DLG2: variants seen among roughly 807,000 people sequenced by gnomAD.
The protein encoded by DLG2 is disks large homolog 2.
DLG2 carries 45 observed loss-of-function variants against 132.5 expected under a neutral mutation model. The observed-to-expected ratio is 0.34, with a 90% confidence interval of 0.27 to 0.44. DLG2 has a LOEUF of 0.44. Among genes scored for constraint, DLG2 ranks in the 20% least tolerant of loss-of-function variants. The pLI, the probability that DLG2 is intolerant of heterozygous loss-of-function variation, is 1.00. For missense variants in DLG2, 1,045 were observed against 1,196.9 expected (o/e 0.87, Z 1.87); for synonymous variants, 424 against 419.6 (o/e 1.01, Z -0.13).
intron 16 of DLG2, among the ~76,000 whole-genome samples, chr11:83,837,457 C>T (rs1461060852): frequency 6.6e-6 from 1 of 152,134 alleles, no homozygotes; most frequent in Non-Finnish European, 1.5e-5. Context: ...CTTAGAGTTG[C>T]CTCTCCTGGC....
intron 6 of DLG2, among the ~76,000 whole-genome samples, chr11:84,751,815 A>C (rs1189827610): frequency 1.3e-5 from 2 of 152,224 alleles, no homozygotes; most frequent in African/African-American, 4.8e-5. Context: ...AGAGGTTAGG[A>C]TGCCAGGTAC....
intron 6 of DLG2, among the ~76,000 whole-genome samples, chr11:84,537,067 ACC>A (rs1385868722): frequency 3.8e-5 from 1 of 26,020 alleles, no homozygotes; most frequent in Non-Finnish European, 6.6e-5. Context: ...CACTGCCATA[ACC>A]CTACTACTAT....
intron 14 of DLG2, among the ~76,000 whole-genome samples, chr11:83,946,649 A>G (rs2084031318): frequency 1.3e-5 from 2 of 152,248 alleles, no homozygotes; most frequent in Non-Finnish European, 2.9e-5. Flanking sequence ...CCATGGATAA[A>G]TGTTAATATT....
chr11:83,467,386 A>G (rs2091227310), intron 25 of DLG2, among the ~76,000 whole-genome samples: 1 of 152,146 alleles, frequency 6.6e-6, no homozygotes, highest in Non-Finnish European at 1.5e-5. Flanking sequence ...AATTTTTCCA[A>G]GTACTTGTAC....
intron 3 of DLG2, among the ~76,000 whole-genome samples, chr11:85,594,816 C>A (rs2079616810): frequency 6.6e-6 from 1 of 151,662 alleles, no homozygotes; most frequent in Non-Finnish European, 1.5e-5. Context: ...GCCTGTAATC[C>A]CAGCACTTTC....
At chr11:84,698,620 TTC>T (rs1292552525) in intron 6 of DLG2, among the ~76,000 whole-genome samples, 1 of 151,634 alleles carries the variant, frequency 6.6e-6, no homozygotes, top group Non-Finnish European at 1.5e-5. Flanking sequence ...AGTTTAATTG[TTC>T]TTTTATAGCA....
chr11:85,377,803 ATGTGTGTGTGTGTG>A (rs1555086383), intron 3 of DLG2, among the ~76,000 whole-genome samples: 1 of 131,292 alleles, frequency 7.6e-6, no homozygotes, highest in Admixed American at 7.8e-5. Flanking sequence ...ATATATATAT[ATGTGTGTGTGTGTG>A]TGTGTGTATA....
chr11:85,182,635 C>T (rs974425762), intron 4 of DLG2, among the ~76,000 whole-genome samples: 7 of 151,242 alleles, frequency 4.6e-5, no homozygotes, highest in African/African-American at 7.3e-5. Context: ...CTTATGGGCA[C>T]GCCTGTGTGA....
intron 6 of DLG2, among the ~76,000 whole-genome samples, chr11:84,730,271 G>A (rs528143082): frequency 1.3e-5 from 2 of 152,118 alleles, no homozygotes; most frequent in East Asian, 1.9e-4. Context: ...AAAAAAAGGG[G>A]AGGAGGTTGT....
At chr11:84,513,643 G>C (rs940821545) in intron 7 of DLG2, among the ~76,000 whole-genome samples, 11 of 151,974 alleles carry the variant, frequency 7.2e-5, no homozygotes, top group Non-Finnish European at 1.3e-4. Context: ...GCAGAAGAAT[G>C]AAACTTGACC....
intron 17 of DLG2, among the ~76,000 whole-genome samples, chr11:83,806,677 C>T (rs2045990935): frequency 6.6e-6 from 1 of 152,108 alleles, no homozygotes; most frequent in African/African-American, 2.4e-5. Flanking sequence ...TGGCACAAAT[C>T]GATGTCCTCA....
intron 5 of DLG2, among the ~76,000 whole-genome samples, chr11:85,120,995 T>C (rs1212396014): frequency 6.6e-6 from 1 of 152,074 alleles, no homozygotes; most frequent in Non-Finnish European, 1.5e-5. Flanking sequence ...AGCTCCTGTA[T>C]GCATAGTGCT....
chr11:83,908,566 A>G (rs1330081858), intron 15 of DLG2, among the ~76,000 whole-genome samples: 3 of 152,088 alleles, frequency 2.0e-5, no homozygotes, highest in Non-Finnish European at 4.4e-5. Flanking sequence ...CACGATTAGC[A>G]TTTGTCCTAG....
At chr11:83,887,958 TAA>T (rs2068441516) in intron 15 of DLG2, among the ~76,000 whole-genome samples, 1 of 139,422 alleles carries the variant, frequency 7.2e-6, no homozygotes, top group South Asian at 2.7e-4. Context: ...CTCAAAATAA[TAA>T]GAGCTATCTA....
intron 6 of DLG2, among the ~76,000 whole-genome samples, chr11:84,675,847 A>G (rs1406250384): frequency 3.3e-5 from 5 of 152,072 alleles, no homozygotes; most frequent in Non-Finnish European, 7.4e-5. Flanking sequence ...TTAATTGCCA[A>G]AGGATTTATG....
chr11:85,206,538 A>G (rs1456084300), intron 4 of DLG2, among the ~76,000 whole-genome samples: 1 of 152,220 alleles, frequency 6.6e-6, no homozygotes, highest in East Asian at 1.9e-4. Flanking sequence ...ATGGTATATA[A>G]GTAATAAAGG....
At chr11:84,616,050 G>A (rs181211832) in intron 6 of DLG2, among the ~76,000 whole-genome samples, 56 of 152,018 alleles carry the variant, frequency 3.7e-4, no homozygotes, top group Admixed American at 9.2e-4. Context: ...TGACAAAAAA[G>A]TACTATGAAA....
chr11:83,499,852 GATATATATATATAT>G (rs60890814), intron 21 of DLG2, among the ~76,000 whole-genome samples: 197 of 61,646 alleles, frequency 3.2e-3, no homozygotes, highest in Middle Eastern at 0.012. Flanking sequence ...ACTAATAGGA[GATATATATATATAT>G]ATATATATAT....
chr11:84,675,298 G>A (rs2099710079), intron 6 of DLG2, among the ~76,000 whole-genome samples: 1 of 152,050 alleles, frequency 6.6e-6, no homozygotes, highest in Non-Finnish European at 1.5e-5. Flanking sequence ...AATTAGGAAA[G>A]AGAAATCATA....
Sources: gnomAD v4.1 joint callset for allele counts (sites outside exome capture counted in the v4.1 genomes callset) on GRCh38, gnomAD v4.1.1 for gene constraint, MANE v1.5 for transcripts, NCBI Gene and HGNC (gene_info 2026-07-23, HGNC 2026-07-21) for gene names.